SLIT2: variants seen among roughly 807,000 people sequenced by gnomAD.
SLIT2 encodes slit homolog 2 protein.
SLIT2 carries 41 observed loss-of-function variants against 185.7 expected under a neutral mutation model. The ratio of observed to expected loss-of-function variants is 0.22; its 90% CI spans 0.17 to 0.29. The LOEUF (loss-of-function observed/expected upper bound fraction) is 0.29. Among genes scored for constraint, SLIT2 ranks in the 10% least tolerant of loss-of-function variants. SLIT2 has a pLI of 1.00. For missense variants in SLIT2, 1,571 were observed against 1,909.0 expected (o/e 0.82, Z 3.30); for synonymous variants, 693 against 680.2 (o/e 1.02, Z -0.29).
At position 20,510,062 on chromosome 4, in the gene SLIT2, G is replaced by A. The variant is rs181197657; in HGVS notation, c.915-433G>A. 3.2e-3 allele frequency among the ~76,000 whole-genome samples: 484 copies of A among 152,152 alleles called. 1 individual carries two copies. The highest frequency in any genetic ancestry group is 0.011 in the African/African-American group (467 of 41,528). On this transcript the variant is annotated intron_variant, in intron 9 of 36. Transcript: ENST00000504154. ...TATGCTTTCCATAGAGGAAATAAAA[G>A]GCTTATAAAATTTAATATTCAACAG...
At chr4:20,385,021 T>G (rs1724819902) in intron 4 of SLIT2, among the ~76,000 whole-genome samples, 1 of 152,194 alleles carries the variant, frequency 6.6e-6, no homozygotes, top group African/African-American at 2.4e-5. Context: ...CTGCTTTTCC[T>G]GCTCCTACTT....
intron 4 of SLIT2, among the ~76,000 whole-genome samples, chr4:20,299,999 AT>A (rs796074072): frequency 2.0e-4 from 30 of 152,260 alleles, no homozygotes; most frequent in African/African-American, 7.2e-4. Flanking sequence ...TCTTATAAAT[AT>A]AACCTTTTCA....
chr4:20,537,826 C>T (rs1421891807), intron 18 of SLIT2, among the ~76,000 whole-genome samples: 1 of 152,116 alleles, frequency 6.6e-6, no homozygotes, highest in African/African-American at 2.4e-5. Context: ...CCTAATAGGC[C>T]ACTTACTAAT....
rs987701156 is a variant in SLIT2, at chr4:20,253,444, C to T, written c.-372C>T. 3.7e-6 allele frequency: 1 copy of T among 271,648 alleles called. No homozygotes were observed. The highest frequency in any genetic ancestry group is 7.0e-6 in the Non-Finnish European group (1 of 141,912). The allele number at this position is 271,648 out of a possible 1,614,324, so 16.8% of individuals were successfully genotyped here. ...CCGCCCTCCCCACAACAACCGGCCC[C>T]TGCATCTTAGCAGCCGTTGGAAGCC... On this transcript the variant is annotated 5_prime_UTR_variant, in exon 1 of 37. Coordinates refer to ENST00000504154, the MANE Select transcript of SLIT2 (RefSeq NM_004787.4).
intron 29 of SLIT2, among the ~76,000 whole-genome samples, chr4:20,575,934 A>C (rs1726054874): frequency 6.6e-6 from 1 of 151,884 alleles, no homozygotes. Flanking sequence ...TCTTCCTGGC[A>C]CGAATATTTA....
chr4:20,459,820 G>C (rs1481783949), intron 4 of SLIT2, among the ~76,000 whole-genome samples: 1 of 151,694 alleles, frequency 6.6e-6, no homozygotes, highest in African/African-American at 2.4e-5. Context: ...CTACTTAACA[G>C]GAGTGTCCCT....
chr4:20,308,395 A>G (rs73234442), intron 4 of SLIT2, among the ~76,000 whole-genome samples: 2,251 of 152,350 alleles, frequency 0.015, 29 homozygotes, highest in Middle Eastern at 0.024. Flanking sequence ...GGTTTATAGT[A>G]TATAGATTAG....
intron 5 of SLIT2, among the ~76,000 whole-genome samples, chr4:20,470,639 A>G (rs1239259990): frequency 6.6e-6 from 1 of 151,860 alleles, no homozygotes; most frequent in Non-Finnish European, 1.5e-5. Context: ...GCAGTGGCAC[A>G]ATCTCAGCTC....
intron 33 of SLIT2, among the ~76,000 whole-genome samples, chr4:20,603,902 GT>G (rs1728593683): frequency 1.3e-5 from 2 of 152,310 alleles, no homozygotes; most frequent in African/African-American, 4.8e-5. Flanking sequence ...TTTTCAAGAT[GT>G]TTATTCAGCC....
intron 4 of SLIT2, among the ~76,000 whole-genome samples, chr4:20,443,906 G>C (rs1427132173): frequency 6.6e-6 from 1 of 152,172 alleles, no homozygotes; most frequent in Non-Finnish European, 1.5e-5. Context: ...GGAGGAGAAA[G>C]GAGTCAAAAT....
intron 4 of SLIT2, among the ~76,000 whole-genome samples, chr4:20,396,649 A>G (rs981965951): frequency 2.6e-5 from 4 of 151,502 alleles, no homozygotes; most frequent in Non-Finnish European, 5.9e-5. Flanking sequence ...GGGTCCTCTG[A>G]GTGTTCTCTT....
intron 4 of SLIT2, among the ~76,000 whole-genome samples, chr4:20,276,933 G>C (rs1714226371): frequency 6.6e-6 from 1 of 152,216 alleles, no homozygotes; most frequent in African/African-American, 2.4e-5. Context: ...AAATGCTGGA[G>C]AAATTAAATT....
intron 4 of SLIT2, among the ~76,000 whole-genome samples, chr4:20,358,458 A>G (rs1267282208): frequency 6.6e-6 from 1 of 152,108 alleles, no homozygotes; most frequent in East Asian, 1.9e-4. Flanking sequence ...ACTTTTTTGT[A>G]AATTTAAATT....
At chr4:20,432,068 T>TGAAGGAAG (rs943832758) in intron 4 of SLIT2, among the ~76,000 whole-genome samples, 8 of 151,610 alleles carry the variant, frequency 5.3e-5, no homozygotes, top group African/African-American at 1.9e-4. Context: ...TGTGAATGAA[T>TGAAGGAAG]GAAGGAAGGA....
At chr4:20,492,764 G>A (rs536863162) in intron 9 of SLIT2, among the ~76,000 whole-genome samples, 94 of 152,100 alleles carry the variant, frequency 6.2e-4, no homozygotes, top group African/African-American at 1.4e-3. Flanking sequence ...CATAGTATGC[G>A]AAAAAGTTGT....
At chr4:20,433,672 G>T (rs572373878) in intron 4 of SLIT2, among the ~76,000 whole-genome samples, 2,328 of 152,274 alleles carry the variant, frequency 0.015, 62 homozygotes, top group African/African-American at 0.052. Flanking sequence ...TGTTCTGTTG[G>T]TGGGCAAGTT....
At chr4:20,269,922 A>G (rs559432015) in intron 4 of SLIT2, among the ~76,000 whole-genome samples, 16 of 151,954 alleles carry the variant, frequency 1.1e-4, no homozygotes, top group Admixed American at 3.9e-4. Flanking sequence ...TTAACTTACT[A>G]TAGGGAGATA....
rs1577883839 is a variant in SLIT2, at chr4:20,538,467, A to G, written c.1833-974A>G. 2.0e-5 allele frequency among the ~76,000 whole-genome samples: 3 copies of G among 152,304 alleles called. No individual in the cohort carries two copies. The Middle Eastern group carries it at 0.01, about 518-fold the overall frequency. ...ATGCAAACGTTTATATTTCTTATTT[A>G]TTATAGGGCAACCTAGAATTTTAAA... On this transcript the variant is annotated intron_variant, in intron 18 of 36. Transcript: ENST00000504154.
chr4:20,310,472 ACT>A (rs1718005485), intron 4 of SLIT2, among the ~76,000 whole-genome samples: 1 of 152,164 alleles, frequency 6.6e-6, no homozygotes, highest in African/African-American at 2.4e-5. Context: ...TCACACTGAG[ACT>A]TTTCTCTTAT....
Sources: allele counts gnomAD v4.1 joint callset (sites outside exome capture counted in the v4.1 genomes callset), GRCh38; gene constraint gnomAD v4.1.1; transcripts MANE v1.5; gene names NCBI Gene and HGNC (gene_info 2026-07-23, HGNC 2026-07-21).